Variants in MYH10 observed in about 807,000 individuals in gnomAD.
MYH10 encodes myosin-10.
MYH10 carries 55 observed loss-of-function variants against 257.8 expected under a neutral mutation model. The observed-to-expected ratio is 0.21, with a 90% CI of 0.17 to 0.27. MYH10 has a LOEUF of 0.27. Ranked by LOEUF, MYH10 falls within the 10% of genes least tolerant of loss-of-function variation. MYH10 has a pLI of 1.00. For synonymous variants in MYH10, 854 were observed against 921.7 expected, an observed-to-expected ratio of 0.93 and a Z score of 1.33; for missense variants, 1,631 against 2,500.6, an observed-to-expected ratio of 0.65 and a Z score of 7.42.
intron 30 of MYH10, among the ~76,000 whole-genome samples, chr17:8,497,120 C>T (rs900079474): frequency 2.6e-5 from 4 of 152,156 alleles, no homozygotes; most frequent in Admixed American, 2.0e-4. Context: ...AGCCCTCGTG[C>T]CCTTTCCTTT....
chr17:8,623,520 A>G (rs938953649), intron 1 of MYH10: 1 of 221,914 alleles, frequency 4.5e-6, no homozygotes, highest in African/African-American at 2.3e-5. Flanking sequence ...AAAAGAAAAG[A>G]AAAGAAAAGA....
intron 3 of MYH10, among the ~76,000 whole-genome samples, chr17:8,601,951 A>C (rs185174350): frequency 2.8e-4 from 43 of 152,032 alleles, no homozygotes; most frequent in African/African-American, 9.6e-4. Flanking sequence ...AAGGATGATA[A>C]ATACATTTCA....
intron 9 of MYH10, among the ~76,000 whole-genome samples, chr17:8,549,638 C>T (rs2082556458): frequency 6.6e-6 from 1 of 152,238 alleles, no homozygotes; most frequent in South Asian, 2.1e-4. Flanking sequence ...CTACAGGGTA[C>T]TGCCTGCTGC....
intron 2 of MYH10, among the ~76,000 whole-genome samples, chr17:8,615,744 TAAAAAATCAACCATTCAGGATA>T (rs1446381208): frequency 2.6e-5 from 4 of 152,194 alleles, no homozygotes; most frequent in African/African-American, 9.7e-5. Context: ...CATTAATTTT[TAAAAAATCAACCATTCAGGATA>T]AAAAAATCAC....
chr17:8,507,912 C>T (rs369389754), intron 26 of MYH10, among the ~76,000 whole-genome samples: 22 of 152,006 alleles, frequency 1.4e-4, no homozygotes, highest in East Asian at 1.2e-3. Context: ...ATGGAGGTTG[C>T]AGTGAGCCAA....
rs1398885466 is a variant in MYH10 at position 8,521,254 on chromosome 17, A to G, written c.1989T>C (p.Thr663=). ...AGCCAAAAGCTGTCTCAGTCATACC[A>G]GTGACTTGATCCAGACCCACGATAC... The part of the protein sequence containing the change: ...VDRIVGLDQV[T]GMTETAFGSA... Residue 663 remains threonine, a synonymous_variant, in exon 18 of 43, where the codon ACT becomes ACC. Coordinates refer to ENST00000360416, the MANE Select transcript of MYH10 (RefSeq NM_001256012.3). 2.5e-6 allele frequency: 4 copies of G among 1,614,080 alleles called. No individual in the cohort carries two copies. The African/African-American group carries it at 5.3e-5, about 22-fold the overall frequency.
chr17:8,601,117 C>G (rs1028028451), intron 3 of MYH10, among the ~76,000 whole-genome samples: 3 of 152,200 alleles, frequency 2.0e-5, no homozygotes, highest in African/African-American at 7.2e-5. Context: ...GGTATTGTTA[C>G]AGCAAGCAAA....
intron 2 of MYH10, among the ~76,000 whole-genome samples, chr17:8,615,717 T>C (rs1172205894): frequency 6.6e-6 from 1 of 152,164 alleles, no homozygotes; most frequent in Non-Finnish European, 1.5e-5. Flanking sequence ...TGGAAAAACA[T>C]TTGATAAATT....
At chr17:8,567,407 C>T (rs2083198665) in intron 7 of MYH10, among the ~76,000 whole-genome samples, 1 of 152,184 alleles carries the variant, frequency 6.6e-6, no homozygotes. Context: ...CAAGAAAATA[C>T]ATCCCTATTT....
chr17:8,611,868 C>T (rs76306928), intron 2 of MYH10, among the ~76,000 whole-genome samples: 4,767 of 152,208 alleles, frequency 0.031, 246 homozygotes, highest in African/African-American at 0.11. Context: ...AGAATTTTCC[C>T]GGACCAACAA....
intron 7 of MYH10, among the ~76,000 whole-genome samples, chr17:8,566,504 T>C (rs747582750): frequency 9.2e-5 from 14 of 152,058 alleles, no homozygotes; most frequent in Non-Finnish European, 1.9e-4. Flanking sequence ...AGCCAGGAAC[T>C]GAGGCCTCCA....
intron 13 of MYH10, among the ~76,000 whole-genome samples, chr17:8,543,072 T>C (rs1196643702): frequency 6.6e-6 from 1 of 152,238 alleles, no homozygotes; most frequent in African/African-American, 2.4e-5. Flanking sequence ...TTAATAGGTA[T>C]AATTTTCTTA....
intron 6 of MYH10, among the ~76,000 whole-genome samples, chr17:8,572,035 C>T (rs528541884): frequency 5.3e-5 from 8 of 152,068 alleles, no homozygotes; most frequent in African/African-American, 1.9e-4. Context: ...ATATCTACTG[C>T]TAGACTTTGG....
In MYH10 at chr17:8,476,018, C is replaced by T. The variant is rs145295513; in HGVS notation, c.5880-70G>A. 4 of 1,510,074 alleles carry T rather than the reference C, an allele frequency of 2.6e-6. No individual in the cohort carries two copies. In the East Asian group the frequency reaches 6.8e-5, roughly 26 times the overall value. 93.5% of individuals were successfully genotyped at this position (1,510,074 alleles called of 1,614,324 possible). A position where few individuals can be genotyped will look rare whatever the true frequency, so the allele number is the denominator to read the frequency against. The stretch of plus-strand genomic sequence containing the variant: ...GCACATGGCTGTCAATATGTTCAAC[C>T]ACTCAATGCCACGGAACCTTCCCCT... On this transcript the variant is annotated intron_variant, in intron 42 of 42. Coordinates refer to ENST00000360416, the MANE Select transcript of MYH10 (RefSeq NM_001256012.3).
chr17:8,621,188 C>A (rs1306483867), intron 2 of MYH10, among the ~76,000 whole-genome samples: 2 of 152,200 alleles, frequency 1.3e-5, no homozygotes, highest in Non-Finnish European at 2.9e-5. Flanking sequence ...CATTTCCATA[C>A]CTGCACAATT....
intron 4 of MYH10, among the ~76,000 whole-genome samples, chr17:8,579,222 T>C (rs1171714575): frequency 1.3e-5 from 2 of 151,192 alleles, no homozygotes; most frequent in Non-Finnish European, 2.9e-5. Context: ...GAGGCTGCAG[T>C]GAGCTGTGAT....
At position 8,477,727 on chromosome 17, in the gene MYH10, A is replaced by T. The variant is rs1167635707; in HGVS notation, c.5706+611T>A. 3.9e-5 allele frequency among the ~76,000 whole-genome samples: 6 copies of T among 152,200 alleles called. No homozygotes were observed. In the South Asian group the frequency reaches 1.0e-3, roughly 26 times the overall value. On this transcript the variant is annotated intron_variant, in intron 41 of 42. Transcript: ENST00000360416. The surrounding 1 kb of genome is among the most constrained non-coding windows in gnomAD (Gnocchi z 4.2). ...GGGCCAAAGGCAGTGAAATCCTCAGATCCATCCACCTTTCTGGCCAGTGTC... is the reference window on the plus strand; with the variant it reads ...GGGCCAAAGGCAGTGAAATCCTCAGTTCCATCCACCTTTCTGGCCAGTGTC...
At position 8,535,540 on chromosome 17, in the gene MYH10, C is replaced by T; in HGVS notation, c.1780-39G>A. On this transcript the variant is annotated intron_variant, in intron 15 of 42. Transcript: ENST00000360416. The surrounding 1 kb of genome is among the most constrained non-coding windows in gnomAD (Gnocchi z 4.3). ...AAGCCAAAAGTGGTGAAATGGAGAACACAAAACCAAATGCAAAAACAAAAA... is the reference window on the plus strand; with the variant it reads ...AAGCCAAAAGTGGTGAAATGGAGAATACAAAACCAAATGCAAAAACAAAAA... 2.0e-6 allele frequency: 3 copies of T among 1,535,590 alleles called. No homozygotes were observed. Among genetic ancestry groups the T allele is most frequent in the Non-Finnish European group, 1.8e-6 (2 of 1,124,796 alleles).
intron 3 of MYH10, among the ~76,000 whole-genome samples, chr17:8,602,062 G>A (rs427843): frequency 0.97 from 146,724 of 151,192 alleles, 71,364 homozygotes; most frequent in Middle Eastern, 1. Flanking sequence ...TGCAAACTGC[G>A]CCTCCCGGGT....
Sources: gnomAD v4.1 joint callset for allele counts (sites outside exome capture counted in the v4.1 genomes callset) on GRCh38, gnomAD v4.1.1 for gene constraint, Gnocchi (gnomAD v3.1) non-coding constraint, MANE v1.5 for transcripts, NCBI Gene and HGNC (gene_info 2026-07-23, HGNC 2026-07-21) for gene names.